MSI2: variants seen among roughly 807,000 people sequenced by gnomAD.
The protein encoded by MSI2 is musashi RNA binding protein 2.
In MSI2, 17 loss-of-function variants were observed where a neutral mutation model predicts 45.6. That is an observed-to-expected ratio of 0.37 (90% CI 0.26 to 0.56). The LOEUF (loss-of-function observed/expected upper bound fraction) is 0.56, where lower values mean the gene tolerates loss of function less well. Ranked by LOEUF, MSI2 falls within the 20% of genes least tolerant of loss-of-function variation. MSI2 has a pLI of 0.77. For synonymous variants in MSI2, 156 were observed against 158.2 expected, an observed-to-expected ratio of 0.99 and a Z score of 0.11; for missense variants, 293 against 444.2, an observed-to-expected ratio of 0.66 and a Z score of 3.06.
the MSI2 span, among the ~76,000 whole-genome samples, chr17:57,692,621 T>C: frequency 6.6e-6 from 1 of 152,196 alleles, no homozygotes; most frequent in East Asian, 1.9e-4. Flanking sequence ...CTGCTGGTAA[T>C]GAGTTTTTGG....
At chr17:57,629,077 A>G (rs997860529) in intron 10 of MSI2, 3 of 152,292 alleles carry the variant, frequency 2.0e-5, no homozygotes, top group Non-Finnish European at 2.9e-5. Context: ...CCATCTCCCT[A>G]GTGTCCATTT....
At chr17:57,315,242 A>G (rs144390707) in intron 5 of MSI2, among the ~76,000 whole-genome samples, 63 of 152,296 alleles carry the variant, frequency 4.1e-4, no homozygotes, top group African/African-American at 1.3e-3. Flanking sequence ...CCGGATACCA[A>G]TGTCTTGTCC....
At chr17:57,616,262 G>GGT (rs919872592) in intron 9 of MSI2, 178 bp downstream of exon 9, 232 of 555,554 alleles carry the variant, frequency 4.2e-4, no homozygotes, top group South Asian at 7.8e-4. Flanking sequence ...ATTAAGTGTG[G>GGT]GTGTGTGTGT....
chr17:57,538,773 C>G (rs1383794430), intron 7 of MSI2, among the ~76,000 whole-genome samples: 1 of 152,154 alleles, frequency 6.6e-6, no homozygotes, highest in Admixed American at 6.5e-5. Flanking sequence ...CATGGAATAT[C>G]TTTGAAAGGA....
In MSI2 at chr17:57,430,923, C is replaced by T. The variant is rs549266527; in HGVS notation, c.405+29452C>T. 1.8e-3 allele frequency among the ~76,000 whole-genome samples: 267 copies of T among 152,348 alleles called. 1 individual carries two copies. The highest frequency in any genetic ancestry group is 6.0e-3 in the African/African-American group (251 of 41,584). On this transcript the variant is annotated intron_variant, in intron 6 of 13. Transcript: ENST00000284073. ...GCATTGGCTGTCCTGCCCGCCTCTTCTTCCTGAATTTGGCACTGGTTATGA... is the reference window on the plus strand; with the variant it reads ...GCATTGGCTGTCCTGCCCGCCTCTTTTTCCTGAATTTGGCACTGGTTATGA...
At chr17:57,657,990 G>A (rs1911728728) in intron 11 of MSI2, among the ~76,000 whole-genome samples, 1 of 152,316 alleles carries the variant, frequency 6.6e-6, no homozygotes, top group East Asian at 1.9e-4. Context: ...GCCTCAGAAT[G>A]ACCACTGTCA....
rs1384097647 is a variant in MSI2 at position 57,256,624 on chromosome 17, G to C, written c.-119G>C. ...AGAGAGATTCGGAGGAGCCCGGGCG[G>C]GGGGGAGGAGGAGGGGGAGGAGGGA... On this transcript the variant is annotated 5_prime_UTR_variant, in exon 1 of 14. Coordinates refer to ENST00000284073, the MANE Select transcript of MSI2 (RefSeq NM_138962.4). The C allele has an allele frequency of 1.1e-5, 5 of 457,262 alleles. No individual in the cohort carries two copies. Among genetic ancestry groups the C allele is most frequent in the Admixed American group, 4.4e-5 (1 of 22,920 alleles). 28.3% of individuals were successfully genotyped at this position (457,262 alleles called of 1,614,324 possible). A position where few individuals can be genotyped will look rare whatever the true frequency, so the allele number is the denominator to read the frequency against.
chr17:57,573,696 C>G (rs1178298051), intron 7 of MSI2, among the ~76,000 whole-genome samples: 1 of 152,210 alleles, frequency 6.6e-6, no homozygotes, highest in East Asian at 1.9e-4. Context: ...TAACACTAAG[C>G]CTTCCATTTA....
chr17:57,256,061 G>A (rs1459559416), upstream of MSI2: 1 of 152,486 alleles, frequency 6.6e-6, no homozygotes, highest in South Asian at 2.1e-4. Flanking sequence ...CGGGCGGCTG[G>A]TGCCATTCCC....
rs373521638 is a variant in MSI2, at chr17:57,261,852, GGAA to G, written c.271-291_271-289del. Among the ~76,000 whole-genome samples the G allele has an allele frequency of 1.7e-3, 254 of 152,274 alleles. 4 individuals are homozygous for G. The South Asian group carries it at 0.051, about 31-fold the overall frequency. The stretch of plus-strand genomic sequence containing the variant: ...AGATACCATTTAATATTCAGTGTCT[GGAA>G]GAAGAAGCCCTTGCCTAAATAAGAA... On this transcript the variant is annotated intron_variant, in intron 4 of 13. Coordinates refer to ENST00000284073, the MANE Select transcript of MSI2 (RefSeq NM_138962.4).
In MSI2 at chr17:57,652,837, C is replaced by T. The variant is rs1911272216; in HGVS notation, c.790+676C>T. 6.6e-6 allele frequency among the ~76,000 whole-genome samples: 1 copy of T among 152,260 alleles called. No homozygotes were observed. The highest frequency in any genetic ancestry group is 1.5e-5 in the Non-Finnish European group (1 of 68,042). ...GAACCCCTCAAGTGACATGGGAACA[C>T]TTTCCCAGCATTATCATGGGGTCAG... is the stretch of plus-strand genomic sequence containing the variant. On this transcript the variant is annotated intron_variant, in intron 11 of 13. Transcript: ENST00000284073. The surrounding 1 kb of genome is among the most constrained non-coding windows in gnomAD (Gnocchi z 4.1).
At chr17:57,398,645 T>C (rs564939292) in intron 5 of MSI2, among the ~76,000 whole-genome samples, 1 of 152,350 alleles carries the variant, frequency 6.6e-6, no homozygotes, top group East Asian at 1.9e-4. Context: ...AGTGACCATT[T>C]ATTTAGCGAC....
At chr17:57,578,403 G>A (rs1160931522) in intron 7 of MSI2, among the ~76,000 whole-genome samples, 2 of 152,102 alleles carry the variant, frequency 1.3e-5, no homozygotes, top group East Asian at 3.9e-4. Context: ...CGCAGAACAA[G>A]GGGCTCTGCC....
chr17:57,371,520 A>AAG (rs397714997), intron 5 of MSI2, among the ~76,000 whole-genome samples: 1 of 142,706 alleles, frequency 7.0e-6, no homozygotes, highest in Non-Finnish European at 1.5e-5. Context: ...AAAAAAAAAA[A>AAG]GGGCAAAAAA....
At chr17:57,488,837 A>AG (rs2085807487) in intron 6 of MSI2, among the ~76,000 whole-genome samples, 1 of 151,904 alleles carries the variant, frequency 6.6e-6, no homozygotes, top group African/African-American at 2.4e-5. Context: ...AAAAAAAAAA[A>AG]TGTGTTCAGA....
At chr17:57,416,441 G>A (rs755982869) in intron 6 of MSI2, among the ~76,000 whole-genome samples, 3 of 152,168 alleles carry the variant, frequency 2.0e-5, no homozygotes, top group African/African-American at 7.2e-5. Flanking sequence ...GAAGCCGCCC[G>A]AAATAATTTT....
At position 57,358,748 on chromosome 17, in the gene MSI2, C is replaced by T. The variant is rs564051989; in HGVS notation, c.313-42631C>T. On this transcript the variant is annotated intron_variant, in intron 5 of 13. Coordinates refer to ENST00000284073, the MANE Select transcript of MSI2 (RefSeq NM_138962.4). ...GACAAATAAAAGAAGTGCTGATTTT[C>T]ATTGCACTTCTAACAGTTTTATAGA... Among the ~76,000 whole-genome samples, 18 of 152,246 alleles carry T rather than the reference C, an allele frequency of 1.2e-4. No homozygotes were observed. The South Asian group carries it at 3.5e-3, about 30-fold the overall frequency.
intron 6 of MSI2, among the ~76,000 whole-genome samples, chr17:57,424,391 A>C (rs2084452366): frequency 6.6e-6 from 1 of 152,186 alleles, no homozygotes; most frequent in African/African-American, 2.4e-5. Flanking sequence ...ATGGGAGATG[A>C]GCGTTCTCTC....
chr17:57,526,383 G>GTGTGTT (rs1289142711), intron 6 of MSI2, among the ~76,000 whole-genome samples: 8 of 90,556 alleles, frequency 8.8e-5, no homozygotes, highest in African/African-American at 4.2e-4. Context: ...GTGTGTGTGT[G>GTGTGTT]TGTGTGTGTG....
Sources: gnomAD v4.1 joint callset for allele counts (sites outside exome capture counted in the v4.1 genomes callset) on GRCh38, gnomAD v4.1.1 for gene constraint, Gnocchi (gnomAD v3.1) non-coding constraint, MANE v1.5 for transcripts, NCBI Gene and HGNC (gene_info 2026-07-23, HGNC 2026-07-21) for gene names.